Variants in ACSF3 observed in about 807,000 individuals in gnomAD.
ACSF3 encodes acyl-CoA synthetase family member 3, also known as malonate--CoA ligase ACSF3, mitochondrial.
Under a neutral mutation model 53.2 loss-of-function variants are expected in ACSF3, and 78 were observed. The observed-to-expected ratio is 1.47, with a 90% CI of 1.22 to 1.77. ACSF3 has a LOEUF of 1.77. Among genes scored for constraint, ACSF3 ranks in the 40% most tolerant of loss-of-function variants. The pLI, the probability that ACSF3 is intolerant of heterozygous loss-of-function variation, is 0.00. For missense variants in ACSF3, 937 were observed against 771.1 expected, an observed-to-expected ratio of 1.22 and a Z score of -2.55; for synonymous variants, 414 against 333.1, an observed-to-expected ratio of 1.24 and a Z score of -2.65.
At chr16:89,136,929 C>G (rs1425111800) in intron 8 of ACSF3, 1 of 1,179,528 alleles carries the variant, frequency 8.5e-7, no homozygotes, top group Non-Finnish European at 1.1e-6. Flanking sequence ...CGTCAAAGGT[C>G]TGTCTCAGGT....
Position 89,114,348 on chromosome 16 carries a change from C to T in ACSF3, c.987C>T (p.Val329=), listed in dbSNP as rs1426240105. Residue 329 remains valine, a synonymous_variant, in exon 6 of 11, where the codon GTC becomes GTT. Coordinates refer to ENST00000614302, the MANE Select transcript of ACSF3 (RefSeq NM_001243279.3). ...TGGTTGTGCCGCGTAGGCTGATGGT[C>T]TCAGGCTCAGCTGCCCTGCCCCTCC... The part of the protein sequence containing the change: ...AVCEEKIRLM[V]SGSAALPLPV... The T allele has an allele frequency of 1.2e-6, 2 of 1,614,044 alleles. No homozygotes were observed. The highest frequency in any genetic ancestry group is 8.5e-7 in the Non-Finnish European group (1 of 1,180,036).
rs1909716571 is a variant in ACSF3 at position 89,133,278 on chromosome 16, A to T, written c.1366+16A>T. 6.2e-7 allele frequency: 1 copy of T among 1,613,872 alleles called. No individual in the cohort carries two copies. The highest frequency in any genetic ancestry group is 8.5e-7 in the Non-Finnish European group (1 of 1,179,864). On this transcript the variant is annotated intron_variant, in intron 8 of 10. Coordinates refer to ENST00000614302, the MANE Select transcript of ACSF3 (RefSeq NM_001243279.3). Reference sequence around the variant, plus strand: ...TTTAAGACAGGTAGGACCCAGCCCCATGGGAGTGGAGGAGACCCCGAGGGG... The same window carrying T: ...TTTAAGACAGGTAGGACCCAGCCCCTTGGGAGTGGAGGAGACCCCGAGGGG...
At chr16:89,114,045 A>C in intron 5 of ACSF3, 1 of 438,738 alleles carries the variant, frequency 2.3e-6, no homozygotes. Context: ...TTTGCAGGGG[A>C]CACCGCGGAC....
rs142288136 is a variant in ACSF3 at position 89,114,457 on chromosome 16, G to A, written c.1096G>A (p.Gly366Arg). The change falls in exon 6 of 11, where the codon GGG becomes AGG. Residue 366 changes from glycine (G) to arginine (R), a missense_variant. Coordinates refer to ENST00000614302, the MANE Select transcript of ACSF3 (RefSeq NM_001243279.3). ...GACCGAGATCGGCATGGCTCTGTCC[G>A]GGCCCCTGACCACTGCCGTGCGCCT... ...GMTEIGMALSGPLTTAVRLPG... is the reference protein window; with the variant it reads ...GMTEIGMALSRPLTTAVRLPG... 6.2e-6 allele frequency: 10 copies of A among 1,613,012 alleles called. No homozygotes were observed. The highest frequency in any genetic ancestry group is 1.6e-4 in the Middle Eastern group (1 of 6,082).
At chr16:89,140,287 C>G (rs1911495054) in intron 8 of ACSF3, among the ~76,000 whole-genome samples, 1 of 152,212 alleles carries the variant, frequency 6.6e-6, no homozygotes, top group South Asian at 2.1e-4. Flanking sequence ...CCCGGGGTAA[C>G]TGGTGGAGGC....
At chr16:89,102,797 C>T in intron 4 of ACSF3, 38 bp downstream of exon 4, 1 of 1,607,766 alleles carries the variant, frequency 6.2e-7, no homozygotes. Flanking sequence ...CACCCTCAGA[C>T]TAGGCGCCTT....
In ACSF3 at chr16:89,102,697, C is replaced by T. The variant is rs764919377; in HGVS notation, c.760C>T (p.Leu254=). 6.2e-6 allele frequency: 10 copies of T among 1,613,564 alleles called. No individual in the cohort carries two copies. The highest frequency in any genetic ancestry group is 8.5e-6 in the Non-Finnish European group (10 of 1,180,036). The change falls in exon 4 of 11, where the codon CTG becomes TTG. Residue 254 remains leucine, a synonymous_variant. Coordinates refer to ENST00000614302, the MANE Select transcript of ACSF3 (RefSeq NM_001243279.3). ...CCACGTCCATGGTGTGGTCAACGCG[C>T]TGCTCTGTCCTCTCTGGGTGGGAGC... is the stretch of plus-strand genomic sequence containing the variant. ...LHHVHGVVNA[L]LCPLWVGATC...
At chr16:89,120,298 A>G (rs1016322700) in intron 6 of ACSF3, among the ~76,000 whole-genome samples, 68 of 152,250 alleles carry the variant, frequency 4.5e-4, no homozygotes, top group African/African-American at 1.6e-3. Flanking sequence ...AGTTCAGGAC[A>G]GCCCCTCCTG....
At chr16:89,126,080 A>C (rs12931140) in intron 7 of ACSF3, among the ~76,000 whole-genome samples, 112,005 of 145,824 alleles carry the variant, frequency 0.77, 42,118 homozygotes, top group Non-Finnish European at 0.83. Context: ...TACTTAGATC[A>C]GTGAACATGG....
intron 6 of ACSF3, among the ~76,000 whole-genome samples, chr16:89,117,198 T>C (rs1905269407): frequency 6.6e-6 from 1 of 152,196 alleles, no homozygotes; most frequent in Non-Finnish European, 1.5e-5. Flanking sequence ...AGTTTGTAGT[T>C]CATGATGACT....
At position 89,143,685 on chromosome 16, in the gene ACSF3, C is replaced by A. The variant is rs138624525; in HGVS notation, c.1367-1582C>A. 1.4e-4 allele frequency among the ~76,000 whole-genome samples: 22 copies of A among 152,276 alleles called. No individual in the cohort carries two copies. In the East Asian group the frequency reaches 4.2e-3, roughly 29 times the overall value. ...CACAGCCCAACCTGCACACCCCCTT[C>A]CAGCCGCCCAGACTACCCCAGGGGC... On this transcript the variant is annotated intron_variant, in intron 8 of 10. Transcript: ENST00000614302.
At chr16:89,134,208 C>T (rs560011397) in intron 8 of ACSF3, among the ~76,000 whole-genome samples, 6 of 152,158 alleles carry the variant, frequency 3.9e-5, no homozygotes, top group East Asian at 1.9e-4. Flanking sequence ...TGGCAAGCGT[C>T]GTGTTCTCTG....
Position 89,155,368 on chromosome 16 carries a change from G to C in ACSF3, c.*1161G>C. On this transcript the variant is annotated 3_prime_UTR_variant, in exon 11 of 11. Transcript: ENST00000614302. ...TCTCAGGCTCACGTGCCTCTGACAG[G>C]AGACCAGCCCCATCTCAGGCTCACA... 1 of 451,586 alleles carries C rather than the reference G, an allele frequency of 2.2e-6. No homozygotes were observed. Among genetic ancestry groups the C allele is most frequent in the Non-Finnish European group, 4.5e-6 (1 of 224,708 alleles). 28.0% of individuals were successfully genotyped at this position (451,586 alleles called of 1,614,324 possible).
In ACSF3 at chr16:89,114,556, C is replaced by T. The variant is rs1567703670; in HGVS notation, c.1126+69C>T. On this transcript the variant is annotated intron_variant, in intron 6 of 10. Transcript: ENST00000614302. ...TGAGCCCCCCAAGGTGGGCCAGTCT[C>T]GAACCACCCACATTCGGACTGAAGG... is the stretch of plus-strand genomic sequence containing the variant. The T allele has an allele frequency of 7.5e-6, 12 of 1,595,300 alleles. No homozygotes were observed. The Middle Eastern group carries it at 1.2e-3, about 160-fold the overall frequency.
intron 9 of ACSF3, 40 bp downstream of exon 9, chr16:89,145,441 G>T (rs754115083): frequency 3.7e-6 from 6 of 1,610,910 alleles, no homozygotes; most frequent in Non-Finnish European, 5.1e-6. Flanking sequence ...CAGGCTAGAC[G>T]GGTGCTGCCT....
intron 8 of ACSF3, among the ~76,000 whole-genome samples, chr16:89,141,478 G>A (rs1380196731): frequency 2.0e-5 from 3 of 152,248 alleles, no homozygotes; most frequent in Non-Finnish European, 2.9e-5. Context: ...AGGAGGTGGA[G>A]CAGGGGTACT....
intron 7 of ACSF3, among the ~76,000 whole-genome samples, chr16:89,127,523 A>G (rs1465783828): frequency 6.6e-6 from 1 of 152,046 alleles, no homozygotes; most frequent in African/African-American, 2.4e-5. Context: ...CAACATGCCC[A>G]GCTAATTTTT....
intron 7 of ACSF3, chr16:89,122,787 T>C (rs1482273080): frequency 6.6e-6 from 1 of 152,490 alleles, no homozygotes; most frequent in Non-Finnish European, 1.5e-5. Flanking sequence ...GGAGCGGGGG[T>C]GGGGAGCATT....
chr16:89,122,350 A>T (rs1906860143), intron 7 of ACSF3: 1 of 405,124 alleles, frequency 2.5e-6, no homozygotes. Flanking sequence ...CCCTTGCTAT[A>T]CCCACCTCCC....
Sources: gnomAD v4.1 joint callset for allele counts (sites outside exome capture counted in the v4.1 genomes callset) on GRCh38, gnomAD v4.1.1 for gene constraint, MANE v1.5 for transcripts, NCBI Gene and HGNC (gene_info 2026-07-23, HGNC 2026-07-21) for gene names.